The following PTPRN2 variants were observed in gnomAD, a reference collection of about 807,000 sequenced individuals.
The protein encoded by PTPRN2 is receptor-type tyrosine-protein phosphatase N2.
A neutral mutation model predicts 118.8 loss-of-function variants in PTPRN2; 74 were observed. The ratio of observed to expected loss-of-function variants is 0.62; its 90% confidence interval spans 0.52 to 0.76. The LOEUF (loss-of-function observed/expected upper bound fraction) is 0.76, where lower values mean the gene tolerates loss of function less well. Ranked by LOEUF, PTPRN2 falls within the 30% of genes least tolerant of loss-of-function variation. The probability of loss-of-function intolerance (pLI) is 0.00; values close to 1 mark genes in which losing one functional copy is unlikely to be tolerated. For missense variants in PTPRN2, 1,481 were observed against 1,394.4 expected, an observed-to-expected ratio of 1.06 and a Z score of -0.99; for synonymous variants, 641 against 608.0, an observed-to-expected ratio of 1.05 and a Z score of -0.80.
chr7:158,106,224 C>T (rs79626170), intron 10 of PTPRN2, among the ~76,000 whole-genome samples: 13,732 of 152,180 alleles, frequency 0.09, 763 homozygotes, highest in Non-Finnish European at 0.12. Flanking sequence ...GCCCCATCCA[C>T]CTAGCTTCCC....
At chr7:157,650,265 C>T (rs1805559985) in intron 14 of PTPRN2, among the ~76,000 whole-genome samples, 1 of 152,344 alleles carries the variant, frequency 6.6e-6, no homozygotes, top group African/African-American at 2.4e-5. Context: ...ACATCCCCCG[C>T]AGGGGCTCCC....
intron 12 of PTPRN2, among the ~76,000 whole-genome samples, chr7:157,806,147 CAG>C (rs1173250125): frequency 6.6e-6 from 1 of 152,102 alleles, no homozygotes; most frequent in Non-Finnish European, 1.5e-5. Context: ...TGATTGGAAC[CAG>C]AAGTGTCTCA....
At chr7:157,963,732 CCTTGG>C (rs1298274342) in intron 11 of PTPRN2, among the ~76,000 whole-genome samples, 2 of 152,246 alleles carry the variant, frequency 1.3e-5, no homozygotes, top group Admixed American at 6.5e-5. Context: ...AGTGAGGTCC[CCTTGG>C]CTTCCTGTCA....
intron 1 of PTPRN2, among the ~76,000 whole-genome samples, chr7:158,582,192 A>C (rs1472273478): frequency 1.3e-5 from 2 of 152,216 alleles, no homozygotes; most frequent in Non-Finnish European, 2.9e-5. Context: ...TACATTTATG[A>C]AGGTCAACTT....
At position 158,327,869 on chromosome 7, in the gene PTPRN2, G is replaced by A. The variant is rs78888570; in HGVS notation, c.164-10937C>T. 9.4e-3 allele frequency among the ~76,000 whole-genome samples: 1,430 copies of A among 152,210 alleles called. 62 individuals carry two copies. In the East Asian group the frequency reaches 0.13, roughly 14 times the overall value. On this transcript the variant is annotated intron_variant, in intron 2 of 22. Transcript: ENST00000389418. ...CTGGCAGCGTTGCCAGGGTTCCCTC[G>A]GTCCCATGGGGCTTCTCAAAGCAGC...
At chr7:158,074,348 C>T (rs372670464) in intron 11 of PTPRN2, among the ~76,000 whole-genome samples, 2 of 152,156 alleles carry the variant, frequency 1.3e-5, no homozygotes, top group African/African-American at 2.4e-5. Flanking sequence ...CAACAGAAGG[C>T]GCAGGGAGGT....
At chr7:158,401,871 G>A (rs1362675862) in intron 2 of PTPRN2, among the ~76,000 whole-genome samples, 2 of 152,240 alleles carry the variant, frequency 1.3e-5, no homozygotes, top group Non-Finnish European at 2.9e-5. Context: ...CGAGAGCAGG[G>A]GTGCCTGAAT....
chr7:158,205,611 C>A (rs76837643), intron 3 of PTPRN2, among the ~76,000 whole-genome samples: 1 of 152,190 alleles, frequency 6.6e-6, no homozygotes, highest in African/African-American at 2.4e-5. Flanking sequence ...CACCTTCATA[C>A]GAACCAAATT....
At chr7:157,844,826 G>A (rs1808685217) in intron 12 of PTPRN2, among the ~76,000 whole-genome samples, 1 of 152,234 alleles carries the variant, frequency 6.6e-6, no homozygotes, top group South Asian at 2.1e-4. Context: ...CAGTATGTTA[G>A]CATCTGTGGT....
intron 2 of PTPRN2, among the ~76,000 whole-genome samples, chr7:158,327,212 AACAC>A (rs372366609): frequency 5.7e-5 from 8 of 141,062 alleles, no homozygotes; most frequent in African/African-American, 2.1e-4. Flanking sequence ...CACATTCTCA[AACAC>A]ACACGTAAAC....
At chr7:158,271,178 T>C (rs1439983342) in intron 3 of PTPRN2, among the ~76,000 whole-genome samples, 1 of 150,464 alleles carries the variant, frequency 6.6e-6, no homozygotes, top group African/African-American at 2.5e-5. Flanking sequence ...AATTCGACTC[T>C]AGTGGGTGGC....
At chr7:157,747,248 C>A (rs1262652726) in intron 12 of PTPRN2, among the ~76,000 whole-genome samples, 2 of 102,870 alleles carry the variant, frequency 1.9e-5, no homozygotes, top group Admixed American at 1.1e-4. Context: ...CTGAGGCCTG[C>A]GTCTCTGAGC....
chr7:157,666,072 A>G (rs1489917502), intron 13 of PTPRN2, among the ~76,000 whole-genome samples: 10 of 152,112 alleles, frequency 6.6e-5, no homozygotes. Flanking sequence ...AACATGGCAC[A>G]TGTATACATA....
At chr7:157,744,297 T>A (rs182620698) in intron 12 of PTPRN2, among the ~76,000 whole-genome samples, 1 of 152,138 alleles carries the variant, frequency 6.6e-6, no homozygotes, top group Non-Finnish European at 1.5e-5. Flanking sequence ...CTCCCAGACA[T>A]CGAAGGAGAT....
intron 12 of PTPRN2, among the ~76,000 whole-genome samples, chr7:157,824,454 G>A (rs1807044186): frequency 6.6e-6 from 1 of 152,222 alleles, no homozygotes; most frequent in African/African-American, 2.4e-5. Flanking sequence ...GAGGACAAGT[G>A]CATGCTGTCC....
At chr7:157,909,209 T>C (rs1262985756) in intron 11 of PTPRN2, among the ~76,000 whole-genome samples, 1 of 152,258 alleles carries the variant, frequency 6.6e-6, no homozygotes, top group African/African-American at 2.4e-5. Flanking sequence ...AATAGCTTTA[T>C]GCACATTTGA....
At chr7:158,436,028 G>C (rs931261287) in intron 2 of PTPRN2, among the ~76,000 whole-genome samples, 1 of 152,154 alleles carries the variant, frequency 6.6e-6, no homozygotes, top group African/African-American at 2.4e-5. Flanking sequence ...CAACAATACT[G>C]TGCCATGCAC....
intron 12 of PTPRN2, among the ~76,000 whole-genome samples, chr7:157,877,350 G>A (rs1178536885): frequency 2.0e-5 from 3 of 148,932 alleles, no homozygotes; most frequent in African/African-American, 7.5e-5. Context: ...CGGGGACCCC[G>A]GGTCCGAGTG....
chr7:158,135,030 G>C (rs146182602), intron 8 of PTPRN2, among the ~76,000 whole-genome samples: 1 of 152,148 alleles, frequency 6.6e-6, no homozygotes, highest in Non-Finnish European at 1.5e-5. Context: ...AGGAAAGACC[G>C]GGTCTGCTCC....
Sources: allele counts gnomAD v4.1 joint callset (sites outside exome capture counted in the v4.1 genomes callset), GRCh38; gene constraint gnomAD v4.1.1; transcripts MANE v1.5; gene names NCBI Gene and HGNC (gene_info 2026-07-23, HGNC 2026-07-21).